GALNT13: variants seen among roughly 807,000 people sequenced by gnomAD.
GALNT13 encodes the protein polypeptide N-acetylgalactosaminyltransferase 13, also known as UDP-GalNAc:polypeptide N-acetylgalactosaminyltransferase 13.
Under a neutral mutation model 64.2 loss-of-function variants are expected in GALNT13, and 28 were observed. The ratio of observed to expected loss-of-function variants is 0.44; its 90% CI spans 0.32 to 0.60. The LOEUF is 0.60. GALNT13 is among the 20% of genes least tolerant of loss of function. GALNT13 has a pLI of 0.05. For missense variants in GALNT13, 577 were observed against 669.8 expected, an observed-to-expected ratio of 0.86 and a Z score of 1.53; for synonymous variants, 214 against 224.6, an observed-to-expected ratio of 0.95 and a Z score of 0.42.
the GALNT13 span, among the ~76,000 whole-genome samples, chr2:153,121,605 C>T: frequency 6.6e-6 from 1 of 152,154 alleles, no homozygotes; most frequent in Non-Finnish European, 1.5e-5. Flanking sequence ...GATCTTGGCT[C>T]ACTGCAACCT....
the GALNT13 span, among the ~76,000 whole-genome samples, chr2:153,218,274 T>C: frequency 6.6e-6 from 1 of 152,182 alleles, no homozygotes; most frequent in Non-Finnish European, 1.5e-5. Flanking sequence ...GTGGGAGAAA[T>C]TCTCTGTTGT....
At chr2:153,132,209 C>T in the GALNT13 span, among the ~76,000 whole-genome samples, 2 of 152,146 alleles carry the variant, frequency 1.3e-5, no homozygotes, top group African/African-American at 2.4e-5. Context: ...TTGCAACCTC[C>T]TATTTTCTTT....
chr2:153,521,243 C>T, the GALNT13 span, among the ~76,000 whole-genome samples: 3 of 151,708 alleles, frequency 2.0e-5, no homozygotes, highest in East Asian at 5.8e-4. Context: ...AATTAATTTA[C>T]ACAGGACCAC....
the GALNT13 span, among the ~76,000 whole-genome samples, chr2:153,207,733 G>A: frequency 2.0e-5 from 3 of 152,146 alleles, no homozygotes; most frequent in Non-Finnish European, 4.4e-5. Context: ...TTTAAACGAT[G>A]TGTGTCAATT....
At chr2:153,266,171 T>A in the GALNT13 span, among the ~76,000 whole-genome samples, 1 of 152,188 alleles carries the variant, frequency 6.6e-6, no homozygotes, top group Non-Finnish European at 1.5e-5. Flanking sequence ...CCAAGGTATG[T>A]TTGTATATAA....
the GALNT13 span, among the ~76,000 whole-genome samples, chr2:153,621,936 G>A: frequency 1.5e-4 from 23 of 152,102 alleles, no homozygotes; most frequent in Middle Eastern, 3.4e-3. Context: ...CTCAATTTTC[G>A]GAAGCAGCTT....
the GALNT13 span, among the ~76,000 whole-genome samples, chr2:153,277,961 C>T: frequency 4.6e-5 from 3 of 64,636 alleles, no homozygotes; most frequent in African/African-American, 4.5e-5. Context: ...GAGTCTCACT[C>T]GGTCACCCAG....
At chr2:153,197,531 C>G in the GALNT13 span, among the ~76,000 whole-genome samples, 1 of 152,246 alleles carries the variant, frequency 6.6e-6, no homozygotes, top group Non-Finnish European at 1.5e-5. Context: ...TGTTTGTGCA[C>G]TGGGACTGGG....
At chr2:153,345,696 TTTC>T in the GALNT13 span, among the ~76,000 whole-genome samples, 33 of 139,588 alleles carry the variant, frequency 2.4e-4, 1 homozygote, top group African/African-American at 8.9e-4. Flanking sequence ...TCTTTCTTTC[TTTC>T]TTTCTCTTTC....
At chr2:153,413,402 G>T in the GALNT13 span, among the ~76,000 whole-genome samples, 1 of 152,104 alleles carries the variant, frequency 6.6e-6, no homozygotes, top group Non-Finnish European at 1.5e-5. Context: ...AAACACCCTT[G>T]CCTTGTACCC....
chr2:153,711,679 A>C, the GALNT13 span, among the ~76,000 whole-genome samples: 1 of 152,154 alleles, frequency 6.6e-6, no homozygotes, highest in Non-Finnish European at 1.5e-5. Flanking sequence ...ATTCACAACA[A>C]AGATCTGTAG....
chr2:153,377,716 A>G, the GALNT13 span, among the ~76,000 whole-genome samples: 2 of 152,152 alleles, frequency 1.3e-5, no homozygotes, highest in Non-Finnish European at 2.9e-5. Context: ...TTTTCTTTAT[A>G]AATTACTCAG....
At chr2:153,441,277 T>C in the GALNT13 span, among the ~76,000 whole-genome samples, 1 of 152,210 alleles carries the variant, frequency 6.6e-6, no homozygotes, top group Non-Finnish European at 1.5e-5. Context: ...GCATTATTAC[T>C]GAGACCTCTA....
intron 1 of GALNT13, among the ~76,000 whole-genome samples, chr2:153,899,672 T>C (rs983372842): frequency 1.3e-5 from 2 of 151,992 alleles, no homozygotes; most frequent in Non-Finnish European, 2.9e-5. Context: ...GTCTGAATAT[T>C]GAACTGTTGA....
chr2:154,363,903 C>G (rs1697217645), intron 9 of GALNT13, among the ~76,000 whole-genome samples: 1 of 152,124 alleles, frequency 6.6e-6, no homozygotes, highest in South Asian at 2.1e-4. Context: ...CCTGTATAGC[C>G]TTGAGATGAA....
At position 154,438,672 on chromosome 2, in the gene GALNT13, C is replaced by A; in HGVS notation, c.1476C>A (p.Ile492=). The A allele has an allele frequency of 6.2e-7, 1 of 1,611,520 alleles. No homozygotes were observed. The highest frequency in any genetic ancestry group is 8.5e-7 in the Non-Finnish European group (1 of 1,177,868). ...LDVSRLNGPV[I]MLKCHHMRGN... is the part of the protein sequence containing the mutation. ...TTTCTAGACTCAATGGACCTGTAATCATGTTAAAATGCCACCATATGAGAG... is the reference window on the plus strand; with the variant it reads ...TTTCTAGACTCAATGGACCTGTAATAATGTTAAAATGCCACCATATGAGAG... The change falls in exon 12 of 13, where the codon ATC becomes ATA. Residue 492 remains isoleucine (I), a synonymous_variant. Transcript: ENST00000392825.
intron 3 of GALNT13, among the ~76,000 whole-genome samples, chr2:153,971,881 C>T (rs1693765328): frequency 6.6e-6 from 1 of 152,038 alleles, no homozygotes; most frequent in Non-Finnish European, 1.5e-5. Flanking sequence ...ATAATGTCTT[C>T]TCAGATGTAA....
chr2:154,416,026 G>T (rs1699992934), intron 11 of GALNT13, among the ~76,000 whole-genome samples: 1 of 152,064 alleles, frequency 6.6e-6, no homozygotes, highest in Admixed American at 6.6e-5. Context: ...AGAAAGCAGG[G>T]TTACCACAAC....
At chr2:153,601,814 C>A in the GALNT13 span, among the ~76,000 whole-genome samples, 3 of 151,762 alleles carry the variant, frequency 2.0e-5, no homozygotes, top group Non-Finnish European at 4.4e-5. Context: ...TACCAAATGG[C>A]AGGCAGAATT....
Sources: gnomAD v4.1 joint callset for allele counts (sites outside exome capture counted in the v4.1 genomes callset) on GRCh38, gnomAD v4.1.1 for gene constraint, MANE v1.5 for transcripts, NCBI Gene and HGNC (gene_info 2026-07-23, HGNC 2026-07-21) for gene names.